Variants in CPSF2 observed in about 807,000 individuals in gnomAD.
The protein encoded by CPSF2 is cleavage and polyadenylation specificity factor subunit 2.
CPSF2 carries 51 observed loss-of-function variants against 84.2 expected under a neutral mutation model. The observed-to-expected ratio is 0.61, with a 90% CI of 0.48 to 0.77. The LOEUF (loss-of-function observed/expected upper bound fraction) is 0.77. Among genes scored for constraint, CPSF2 ranks in the 30% least tolerant of loss-of-function variants. The pLI is 0.00. For missense variants in CPSF2, 641 were observed against 929.4 expected (o/e 0.69, Z 4.03); for synonymous variants, 286 against 311.9 (o/e 0.92, Z 0.87).
rs915721197 is a variant in CPSF2, at chr14:92,165,208, A to C, written c.*3464A>C. 6.6e-6 allele frequency: 1 copy of C among 151,398 alleles called. No homozygotes were observed. The highest frequency in any genetic ancestry group is 2.4e-5 in the African/African-American group (1 of 41,244). 9.4% of individuals were successfully genotyped at this position (151,398 alleles called of 1,614,324 possible). On this transcript the variant is annotated 3_prime_UTR_variant, in exon 16 of 16. Coordinates refer to ENST00000298875, the MANE Select transcript of CPSF2 (RefSeq NM_017437.3). ...TTTGAGTTGATTCCAAATTTTGGCT[A>C]TTAAGAATGCTGCTCTGAACATTCA...
chr14:92,134,414 T>A, intron 5 of CPSF2, 59 bp downstream of exon 5: 2 of 1,155,938 alleles, frequency 1.7e-6, no homozygotes, highest in Non-Finnish European at 2.5e-6. Flanking sequence ...TGCTGGAAAA[T>A]ACCGAGGAGA....
At chr14:92,123,251 C>G (rs1353402930) in intron 1 of CPSF2, among the ~76,000 whole-genome samples, 1 of 152,102 alleles carries the variant, frequency 6.6e-6, no homozygotes, top group Non-Finnish European at 1.5e-5. Flanking sequence ...GCCTCAGACT[C>G]CCGAGTAGCT....
At chr14:92,141,715 C>A (rs540421362) in intron 7 of CPSF2, among the ~76,000 whole-genome samples, 1 of 151,984 alleles carries the variant, frequency 6.6e-6, no homozygotes, top group Non-Finnish European at 1.5e-5. Context: ...TGAGGGATGG[C>A]TGTATATATA....
chr14:92,142,837 T>C (rs542162864), intron 8 of CPSF2, among the ~76,000 whole-genome samples, 167 bp from the exon 9 acceptor site: 9 of 152,274 alleles, frequency 5.9e-5, no homozygotes, highest in Admixed American at 5.2e-4. Context: ...GAGGGTGGGA[T>C]AATCTAATGG....
At chr14:92,140,462 C>A (rs966878346) in intron 7 of CPSF2, among the ~76,000 whole-genome samples, 1 of 134,962 alleles carries the variant, frequency 7.4e-6, no homozygotes, top group Non-Finnish European at 1.5e-5. Flanking sequence ...GAGATGTAGT[C>A]TCGCTCTGTC....
intron 1 of CPSF2, among the ~76,000 whole-genome samples, chr14:92,124,716 T>C (rs2068823997): frequency 6.6e-6 from 1 of 152,206 alleles, no homozygotes; most frequent in Non-Finnish European, 1.5e-5. Flanking sequence ...TGAAATGTGC[T>C]GTAAATATAA....
In CPSF2 at chr14:92,159,112, G is replaced by GAAC. The variant is rs778705015; in HGVS notation, c.1951_1952insAAC (p.Gly651delinsGluArg). The GAAC allele has an allele frequency of 6.2e-7, 1 of 1,614,034 alleles. No individual in the cohort carries two copies. The highest frequency in any genetic ancestry group is 1.3e-5 in the African/African-American group (1 of 74,992). On this transcript the variant is annotated protein_altering_variant, in exon 14 of 16. Transcript: ENST00000298875. ...GGACACAGGGGTTATTTTAGAAGAA[G>GAAC]GAGAACTAAAGGATGATGGAGAAGA...
At chr14:92,151,451 A>AG (rs1216001149) in intron 9 of CPSF2, among the ~76,000 whole-genome samples, 2 of 106,844 alleles carry the variant, frequency 1.9e-5, no homozygotes, top group Non-Finnish European at 4.1e-5. Flanking sequence ...AAAAAAAAAA[A>AG]TTAACACAAC....
intron 6 of CPSF2, among the ~76,000 whole-genome samples, chr14:92,137,144 T>C (rs1595055099): frequency 6.6e-6 from 1 of 152,106 alleles, no homozygotes; most frequent in Non-Finnish European, 1.5e-5. Flanking sequence ...ACAAAAGTTA[T>C]AAAGTCAAAA....
intron 9 of CPSF2, among the ~76,000 whole-genome samples, chr14:92,150,057 CTT>C (rs899809927): frequency 6.6e-5 from 10 of 151,972 alleles, no homozygotes; most frequent in Non-Finnish European, 1.3e-4. Flanking sequence ...AAGAAAAACA[CTT>C]GTATGTTTAT....
At chr14:92,154,503 A>C in intron 10 of CPSF2, 45 bp downstream of exon 10, 1 of 1,309,078 alleles carries the variant, frequency 7.6e-7, no homozygotes, top group South Asian at 1.4e-5. Context: ...ATGCAATTTG[A>C]GAAGAATGTG....
chr14:92,146,177 C>A (rs1458900744), intron 9 of CPSF2, among the ~76,000 whole-genome samples: 1 of 152,148 alleles, frequency 6.6e-6, no homozygotes, highest in Non-Finnish European at 1.5e-5. Flanking sequence ...TAGAATATTT[C>A]TGTGGCATGT....
Position 92,131,156 on chromosome 14 carries a change from A to G in CPSF2, c.149+23A>G, listed in dbSNP as rs372122742. ...GAAGTAAGTTACATTTCATAATTCT[A>G]TGTTTTTATTAAATCAACTTCTCTT... On this transcript the variant is annotated intron_variant, in intron 3 of 15. Transcript: ENST00000298875. The G allele has an allele frequency of 5.5e-4, 860 of 1,566,676 alleles. 1 individual carries two copies. Among genetic ancestry groups the G allele is most frequent in the Non-Finnish European group, 7.0e-4 (809 of 1,149,062 alleles).
rs1199995992 is a variant in CPSF2 at position 92,155,125 on chromosome 14, C to A, written c.1244C>A (p.Ala415Glu). The change falls in exon 11 of 16, where the codon GCA (alanine) becomes GAA (glutamate). Residue 415 changes from alanine (A) to glutamate (E), a missense_variant and splice_region_variant. Ala to Glu is a moderately radical substitution (Grantham distance 107). Around this residue, in one of 2 missense-constraint regions of CPSF2, gnomAD observed 430 missense variants for 553.6 expected, o/e 0.78. Coordinates refer to ENST00000298875, the MANE Select transcript of CPSF2 (RefSeq NM_017437.3). ...GATCTATTCTAAAATCCTCCTAGGG[C>A]AGATATAGATTCCAGTGATGAGAGT... is the stretch of plus-strand genomic sequence containing the variant. The part of the protein sequence containing the change: ...AAKKLEQSKE[A>E]DIDSSDESDI... 2.5e-6 allele frequency: 4 copies of A among 1,607,944 alleles called. No homozygotes were observed. Among genetic ancestry groups the A allele is most frequent in the Non-Finnish European group, 3.4e-6 (4 of 1,174,692 alleles).
intron 9 of CPSF2, among the ~76,000 whole-genome samples, chr14:92,144,732 C>A (rs574858374): frequency 2.0e-4 from 30 of 152,342 alleles, no homozygotes; most frequent in African/African-American, 7.0e-4. Context: ...CATAACTTCA[C>A]ATCTCAAAAG....
At position 92,168,519 on chromosome 14, in the gene CPSF2, T is replaced by A. The variant is rs1258287468; in HGVS notation, c.*6775T>A. 6.6e-6 allele frequency: 1 copy of A among 152,184 alleles called. No homozygotes were observed. Among genetic ancestry groups the A allele is most frequent in the Non-Finnish European group, 1.5e-5 (1 of 68,020 alleles). 9.4% of individuals were successfully genotyped at this position (152,184 alleles called of 1,614,324 possible). A position where few individuals can be genotyped will look rare whatever the true frequency, so the allele number is the denominator to read the frequency against. On this transcript the variant is annotated 3_prime_UTR_variant, in exon 16 of 16. Coordinates refer to ENST00000298875, the MANE Select transcript of CPSF2 (RefSeq NM_017437.3). ...CACACACAGCTCTATTTTTTGGTGC[T>A]TTTCGTTCATTATTCACTCCATTTC...
At chr14:92,133,638 T>A (rs1213497760) in intron 3 of CPSF2, among the ~76,000 whole-genome samples, 1 of 148,246 alleles carries the variant, frequency 6.7e-6, no homozygotes, top group Non-Finnish European at 1.5e-5. Context: ...TTTTTTTTTG[T>A]ATTTTTTATA....
intron 2 of CPSF2, among the ~76,000 whole-genome samples, chr14:92,127,022 A>G (rs1014840870): frequency 2.0e-5 from 3 of 152,112 alleles, no homozygotes; most frequent in Non-Finnish European, 4.4e-5. Context: ...AATACTAGCC[A>G]TGCCCCATTC....
intron 13 of CPSF2, among the ~76,000 whole-genome samples, chr14:92,158,216 A>G (rs2069318562): frequency 6.6e-6 from 1 of 152,096 alleles, no homozygotes; most frequent in African/African-American, 2.4e-5. Context: ...AAAGGGGGGG[A>G]AGAGCGTTCT....
Sources: gnomAD v4.1 joint callset for allele counts (sites outside exome capture counted in the v4.1 genomes callset) on GRCh38, gnomAD v4.1.1 for gene constraint, gnomAD v4.1.1 regional missense constraint, MANE v1.5 for transcripts, NCBI Gene and HGNC (gene_info 2026-07-23, HGNC 2026-07-21) for gene names.